The following RCAN1 variants were observed in gnomAD, a reference collection of about 807,000 sequenced individuals.
RCAN1 encodes regulator of calcineurin 1.
Under a neutral mutation model 22.9 loss-of-function variants are expected in RCAN1, and 11 were observed. The ratio of observed to expected loss-of-function variants is 0.48; its 90% CI spans 0.30 to 0.79. RCAN1 has a LOEUF of 0.79. Ranked by LOEUF, RCAN1 falls within the 30% of genes least tolerant of loss-of-function variation. RCAN1 has a pLI of 0.06. For missense variants in RCAN1, 291 were observed against 337.8 expected (o/e 0.86, Z 1.09); for synonymous variants, 136 against 142.3 (o/e 0.96, Z 0.32).
chr21:34,526,669 T>C (rs1157810442), intron 1 of RCAN1: 2 of 1,612,978 alleles, frequency 1.2e-6, no homozygotes, highest in Non-Finnish European at 1.7e-6. Flanking sequence ...TTACCCTGGT[T>C]TCACTTTCGC....
At chr21:34,530,246 A>G (rs773682645) in intron 1 of RCAN1, among the ~76,000 whole-genome samples, 15 of 152,230 alleles carry the variant, frequency 9.9e-5, no homozygotes, top group Admixed American at 7.9e-4. Flanking sequence ...CACACCATAA[A>G]AATCATAAAT....
intron 1 of RCAN1, among the ~76,000 whole-genome samples, chr21:34,602,327 AT>A (rs1193927377): frequency 1.3e-5 from 2 of 152,156 alleles, no homozygotes; most frequent in Non-Finnish European, 2.9e-5. Flanking sequence ...CTTTCACTAA[AT>A]GCAGGAAGTC....
chr21:34,538,864 C>T (rs892655206), intron 1 of RCAN1, among the ~76,000 whole-genome samples: 1 of 152,172 alleles, frequency 6.6e-6, no homozygotes, highest in Non-Finnish European at 1.5e-5. Flanking sequence ...GGGTGTGTCA[C>T]TGTGACCAGT....
At chr21:34,592,873 G>A (rs1401751103) in intron 1 of RCAN1, among the ~76,000 whole-genome samples, 1 of 152,154 alleles carries the variant, frequency 6.6e-6, no homozygotes, top group African/African-American at 2.4e-5. Context: ...CTTAATTGGA[G>A]CACCAGGAGG....
At chr21:34,526,782 C>T (rs1474557264) in intron 1 of RCAN1, 1 of 1,598,162 alleles carries the variant, frequency 6.3e-7, no homozygotes. Context: ...GCTACAGACC[C>T]ACGCAGTCAA....
intron 1 of RCAN1, among the ~76,000 whole-genome samples, chr21:34,587,646 G>A (rs899329704): frequency 6.6e-6 from 1 of 152,142 alleles, no homozygotes; most frequent in African/African-American, 2.4e-5. Flanking sequence ...TGTTACTGCA[G>A]CATTATCATA....
chr21:34,539,411 C>T (rs1223362435), intron 1 of RCAN1, among the ~76,000 whole-genome samples: 1 of 152,092 alleles, frequency 6.6e-6, no homozygotes, highest in Non-Finnish European at 1.5e-5. Context: ...GGTTACAAAG[C>T]AATGTTTATT....
chr21:34,578,410 C>T (rs978521312), intron 1 of RCAN1, among the ~76,000 whole-genome samples: 1 of 152,200 alleles, frequency 6.6e-6, no homozygotes. Flanking sequence ...AAGCAGCCAT[C>T]AGCCAGCATC....
chr21:34,590,704 A>G (rs1987943077), intron 1 of RCAN1, among the ~76,000 whole-genome samples: 1 of 152,218 alleles, frequency 6.6e-6, no homozygotes, highest in Admixed American at 6.5e-5. Context: ...GGGACTGAGA[A>G]AGGCTGATCT....
At chr21:34,609,943 T>C (rs1988639328) in intron 1 of RCAN1, among the ~76,000 whole-genome samples, 2 of 152,220 alleles carry the variant, frequency 1.3e-5, no homozygotes, top group South Asian at 4.1e-4. Flanking sequence ...CCTTCCCAAA[T>C]AAATTAAACT....
At chr21:34,523,901 G>T in intron 1 of RCAN1, 191 bp from the exon 2 acceptor site, 1 of 428,846 alleles carries the variant, frequency 2.3e-6, no homozygotes. Flanking sequence ...TCCTGCCTCA[G>T]CCTCCCGAGT....
chr21:34,568,021 G>A (rs1293054719), intron 1 of RCAN1, among the ~76,000 whole-genome samples: 1 of 152,228 alleles, frequency 6.6e-6, no homozygotes, highest in Non-Finnish European at 1.5e-5. Flanking sequence ...AGCAGTGAGG[G>A]TGTTGGCGGA....
intron 1 of RCAN1, among the ~76,000 whole-genome samples, chr21:34,565,082 T>C (rs1235477370): frequency 1.3e-5 from 2 of 152,052 alleles, no homozygotes; most frequent in African/African-American, 4.8e-5. Context: ...CATGGTGGCA[T>C]GCACCTGTGC....
chr21:34,578,837 G>C (rs1427263170), intron 1 of RCAN1, among the ~76,000 whole-genome samples: 1 of 152,166 alleles, frequency 6.6e-6, no homozygotes, highest in Non-Finnish European at 1.5e-5. Flanking sequence ...CCACTCGGTT[G>C]GGCTGTGGTC....
At chr21:34,556,952 G>A (rs945158989) in intron 1 of RCAN1, among the ~76,000 whole-genome samples, 8 of 152,180 alleles carry the variant, frequency 5.3e-5, no homozygotes, top group African/African-American at 1.4e-4. Flanking sequence ...GGTGGCTGAC[G>A]CCTGTAATCC....
chr21:34,526,354 G>A (rs1985050815), intron 1 of RCAN1, among the ~76,000 whole-genome samples: 1 of 152,218 alleles, frequency 6.6e-6, no homozygotes, highest in South Asian at 2.1e-4. Flanking sequence ...TGTCAGAAGA[G>A]GCCTCTTTCT....
chr21:34,552,149 T>C (rs1986392366), intron 1 of RCAN1, among the ~76,000 whole-genome samples: 1 of 152,324 alleles, frequency 6.6e-6, no homozygotes, highest in Non-Finnish European at 1.5e-5. Flanking sequence ...TCTGCATTAC[T>C]AGCGTTAGAG....
intron 2 of RCAN1, chr21:34,522,974 G>GC (rs1984699614): frequency 1.3e-5 from 2 of 152,330 alleles, no homozygotes; most frequent in African/African-American, 4.8e-5. Context: ...TGCCGTGGGT[G>GC]CCCTGGGGCT....
rs182604749 is a variant in RCAN1 at position 34,538,684 on chromosome 21, C to T, written c.253-14974G>A. ...CAGGGAGCTTTGAGGATGAGACGAC[C>T]CTTATCGGAGCAGGAGGACCGGGCC... On this transcript the variant is annotated intron_variant, in intron 1 of 3. Transcript: ENST00000313806. Among the ~76,000 whole-genome samples the T allele has an allele frequency of 2.3e-3, 346 of 152,248 alleles. 2 individuals are homozygous for T. The highest frequency in any genetic ancestry group is 8.1e-3 in the African/African-American group (336 of 41,540).
Sources: allele counts gnomAD v4.1 joint callset (sites outside exome capture counted in the v4.1 genomes callset), GRCh38; gene constraint gnomAD v4.1.1; transcripts MANE v1.5; gene names NCBI Gene and HGNC (gene_info 2026-07-23, HGNC 2026-07-21).